The following STXBP4 variants were observed in gnomAD, a reference collection of about 807,000 sequenced individuals.
STXBP4 encodes the protein syntaxin binding protein 4.
STXBP4 carries 55 observed loss-of-function variants against 76.1 expected under a neutral mutation model. That is an observed-to-expected ratio of 0.72 (90% CI 0.58 to 0.91). The LOEUF (loss-of-function observed/expected upper bound fraction) is 0.91. Ranked by LOEUF, STXBP4 falls within the 40% of genes least tolerant of loss-of-function variation. STXBP4 has a pLI of 0.00. For synonymous variants in STXBP4, 201 were observed against 220.2 expected (o/e 0.91, Z 0.77); for missense variants, 618 against 636.9 (o/e 0.97, Z 0.32).
chr17:55,009,302 T>G (rs998989322), intron 8 of STXBP4, among the ~76,000 whole-genome samples: 4 of 152,194 alleles, frequency 2.6e-5, no homozygotes, highest in Non-Finnish European at 5.9e-5. Flanking sequence ...GTGTTTGAAG[T>G]TTAAAAGCAT....
intron 12 of STXBP4, among the ~76,000 whole-genome samples, chr17:55,072,585 T>C (rs759761945): frequency 2.6e-5 from 4 of 152,190 alleles, no homozygotes; most frequent in Non-Finnish European, 5.9e-5. Context: ...CCTACTCTTT[T>C]TATCTTTTGA....
At chr17:54,972,209 ATG>A (rs1349059964) in intron 1 of STXBP4, among the ~76,000 whole-genome samples, 2 of 152,342 alleles carry the variant, frequency 1.3e-5, no homozygotes, top group South Asian at 2.1e-4. Flanking sequence ...TTAATAGGCA[ATG>A]TGTGTTTTGT....
intron 10 of STXBP4, among the ~76,000 whole-genome samples, chr17:55,039,140 A>G (rs1446705346): frequency 1.3e-5 from 2 of 152,208 alleles, no homozygotes; most frequent in Admixed American, 6.6e-5. Flanking sequence ...TGCCCAAATA[A>G]TTATAGTAAG....
intron 16 of STXBP4, among the ~76,000 whole-genome samples, chr17:55,096,347 G>A (rs1467135518): frequency 6.6e-6 from 1 of 151,990 alleles, no homozygotes; most frequent in East Asian, 1.9e-4. Context: ...TTGTAGAGAT[G>A]GGATTTTGCC....
rs57750914 is a variant in STXBP4, at chr17:55,090,855, CTGTGTGTGTGTGTGTG to C, written c.1489+9696_1489+9711del. Among the ~76,000 whole-genome samples the C allele has an allele frequency of 3.9e-4, 57 of 147,412 alleles. 1 individual carries two copies. The highest frequency in any genetic ancestry group is 5.1e-4 in the Non-Finnish European group (34 of 66,874). ...TTAAATTGTGTGTGTGTGTGTGTGT[CTGTGTGTGTGTGTGTG>C]TGTGTGTGTGTGTGTGTGTGTGTTT... On this transcript the variant is annotated intron_variant, in intron 16 of 17. Coordinates refer to ENST00000376352, the MANE Select transcript of STXBP4 (RefSeq NM_178509.6).
chr17:55,028,846 G>GA (rs1043282923), intron 8 of STXBP4, among the ~76,000 whole-genome samples: 4 of 150,564 alleles, frequency 2.7e-5, no homozygotes, highest in Admixed American at 6.6e-5. Context: ...TCTCAAAAAG[G>GA]AAAAAAAAGA....
At chr17:55,120,862 T>C (rs1258232686) in intron 16 of STXBP4, among the ~76,000 whole-genome samples, 1 of 152,056 alleles carries the variant, frequency 6.6e-6, no homozygotes, top group Non-Finnish European at 1.5e-5. Flanking sequence ...GCCCTACAAG[T>C]TCCATGCCCT....
intron 16 of STXBP4, among the ~76,000 whole-genome samples, chr17:55,139,537 G>A (rs1333601849): frequency 6.6e-6 from 1 of 152,102 alleles, no homozygotes; most frequent in Non-Finnish European, 1.5e-5. Context: ...TGAGGGGCTT[G>A]TCAGTGATGA....
intron 13 of STXBP4, among the ~76,000 whole-genome samples, chr17:55,073,483 A>G (rs1417801740): frequency 2.0e-5 from 3 of 152,172 alleles, no homozygotes; most frequent in Admixed American, 2.0e-4. Context: ...ATTAAAGTGA[A>G]GGAATGTTTG....
intron 3 of STXBP4, among the ~76,000 whole-genome samples, chr17:54,988,124 A>G (rs1024909271): frequency 1.3e-5 from 2 of 152,216 alleles, no homozygotes; most frequent in Non-Finnish European, 2.9e-5. Context: ...TGCTTATAAT[A>G]ATTCTGGGTA....
At position 55,043,291 on chromosome 17, in the gene STXBP4, G is replaced by C. The variant is rs199564103; in HGVS notation, c.911G>C (p.Arg304Thr). Residue 304 changes from arginine to threonine, a missense_variant, in exon 11 of 18, where the codon AGA becomes ACA. Coordinates refer to ENST00000376352, the MANE Select transcript of STXBP4 (RefSeq NM_178509.6). ...GAAATGGAAAGGCTCAAGTGTGAAA[G>C]AGATGATGCCTTGAAAGAAGTAAAT... Reference protein sequence around the residue: ...ADEMERLKCERDDALKEVNTL... With the variant: ...ADEMERLKCETDDALKEVNTL... 1.3e-5 allele frequency: 20 copies of C among 1,538,696 alleles called. No individual in the cohort carries two copies. The Middle Eastern group carries it at 7.0e-4, about 54-fold the overall frequency.
intron 11 of STXBP4, among the ~76,000 whole-genome samples, chr17:55,044,936 C>T (rs2078765370): frequency 6.6e-6 from 1 of 151,614 alleles, no homozygotes; most frequent in Admixed American, 6.6e-5. Flanking sequence ...AAATTCTTTT[C>T]AATAACTGTC....
At chr17:55,060,563 A>G (rs141015048) in intron 12 of STXBP4, among the ~76,000 whole-genome samples, 8 of 152,228 alleles carry the variant, frequency 5.3e-5, no homozygotes, top group Admixed American at 5.2e-4. Flanking sequence ...ACAAGCTGTG[A>G]AGGGCTCATT....
chr17:54,990,193 C>G (rs1487896353), intron 3 of STXBP4, among the ~76,000 whole-genome samples: 1 of 152,214 alleles, frequency 6.6e-6, no homozygotes, highest in East Asian at 1.9e-4. Flanking sequence ...AAAAATGTCA[C>G]TGCTAGTAAG....
In STXBP4 at chr17:55,166,151, G is replaced by A. The variant is rs1315524190; in HGVS notation, c.*6240G>A. On this transcript the variant is annotated 3_prime_UTR_variant, in exon 18 of 18. Coordinates refer to ENST00000376352, the MANE Select transcript of STXBP4 (RefSeq NM_178509.6). ...TCCATTAAAGTAACACTTTTGTCCTGTCTCTGCTTCTTCCTTAGGCAGCGA... is the reference window on the plus strand; with the variant it reads ...TCCATTAAAGTAACACTTTTGTCCTATCTCTGCTTCTTCCTTAGGCAGCGA... 4 of 152,138 alleles carry A rather than the reference G, an allele frequency of 2.6e-5. No homozygotes were observed. The highest frequency in any genetic ancestry group is 5.9e-5 in the Non-Finnish European group (4 of 68,024). 9.4% of individuals were successfully genotyped at this position (152,138 alleles called of 1,614,324 possible). A position where few individuals can be genotyped will look rare whatever the true frequency, so the allele number is the denominator to read the frequency against.
chr17:55,103,673 G>A (rs2079594134), intron 16 of STXBP4, among the ~76,000 whole-genome samples: 1 of 151,374 alleles, frequency 6.6e-6, no homozygotes, highest in African/African-American at 2.4e-5. Flanking sequence ...TGTGAAGAAA[G>A]TCAATGGTAG....
In STXBP4 at chr17:55,160,775, T is replaced by C. The variant is rs2080330029; in HGVS notation, c.*864T>C. 1 of 152,298 alleles carries C rather than the reference T, an allele frequency of 6.6e-6. No individual in the cohort carries two copies. The highest frequency in any genetic ancestry group is 6.5e-5 in the Admixed American group (1 of 15,282). 9.4% of individuals were successfully genotyped at this position (152,298 alleles called of 1,614,324 possible). On this transcript the variant is annotated 3_prime_UTR_variant, in exon 18 of 18. Coordinates refer to ENST00000376352, the MANE Select transcript of STXBP4 (RefSeq NM_178509.6). ...CATGGCCCCTCTATAACCCCACTAT[T>C]CTTCTCCTATAAACCCTTCCCCCTT...
At chr17:55,210,241 G>A in the STXBP4 span, among the ~76,000 whole-genome samples, 1 of 152,182 alleles carries the variant, frequency 6.6e-6, no homozygotes, top group African/African-American at 2.4e-5. Flanking sequence ...GGCATTTTAT[G>A]TTATTAAACC....
chr17:55,141,456 A>G, intron 17 of STXBP4, 89 bp downstream of exon 17: 4 of 1,154,796 alleles, frequency 3.5e-6, no homozygotes, highest in South Asian at 3.1e-5. Flanking sequence ...AAACTAAGAA[A>G]CCTTCTTGGA....
Sources: allele counts gnomAD v4.1 joint callset (sites outside exome capture counted in the v4.1 genomes callset), GRCh38; gene constraint gnomAD v4.1.1; transcripts MANE v1.5; gene names NCBI Gene and HGNC (gene_info 2026-07-23, HGNC 2026-07-21).